Variants in LSM14A observed in about 807,000 individuals in gnomAD.
LSM14A encodes LSM14A mRNA processing body assembly factor, also known as protein LSM14 homolog A.
Under a neutral mutation model 52.4 loss-of-function variants are expected in LSM14A, and 14 were observed. The ratio of observed to expected loss-of-function variants is 0.27; its 90% CI spans 0.18 to 0.42. The LOEUF is 0.42. LSM14A is among the 10% of genes least tolerant of loss of function. LSM14A has a pLI of 1.00. For synonymous variants in LSM14A, 185 were observed against 200.3 expected, an observed-to-expected ratio of 0.92 and a Z score of 0.64; for missense variants, 417 against 581.8, an observed-to-expected ratio of 0.72 and a Z score of 2.91.
At chr19:34,190,680 T>C (rs1178952360) in intron 1 of LSM14A, among the ~76,000 whole-genome samples, 4 of 152,182 alleles carry the variant, frequency 2.6e-5, no homozygotes, top group Non-Finnish European at 5.9e-5. Context: ...TGTTGTGATA[T>C]ACTGTTCTTA....
At chr19:34,226,375 C>CTTTTTTTTT (rs528137318) in intron 9 of LSM14A, 352 of 1,195,882 alleles carry the variant, frequency 2.9e-4, no homozygotes, top group South Asian at 1.2e-3. Flanking sequence ...ATCTCTTTCT[C>CTTTTTTTTT]TTTTTTTTTT....
At chr19:34,223,936 G>C (rs2073200015) in intron 9 of LSM14A, among the ~76,000 whole-genome samples, 1 of 152,180 alleles carries the variant, frequency 6.6e-6, no homozygotes, top group Non-Finnish European at 1.5e-5. Flanking sequence ...TGAGAGGTCT[G>C]ACCTGGTTAA....
intron 6 of LSM14A, among the ~76,000 whole-genome samples, chr19:34,217,778 A>G (rs962916236): frequency 3.4e-5 from 5 of 148,968 alleles, no homozygotes; most frequent in Admixed American, 1.4e-4. Flanking sequence ...TACATATGCC[A>G]TGGAATACAG....
intron 5 of LSM14A, 59 bp downstream of exon 5, chr19:34,215,359 T>G: frequency 7.0e-7 from 1 of 1,433,430 alleles, no homozygotes; most frequent in Non-Finnish European, 9.4e-7. Context: ...CCACTCACTT[T>G]ATTTTCATTA....
At chr19:34,223,092 G>A (rs978487541) in intron 9 of LSM14A, among the ~76,000 whole-genome samples, 6 of 151,242 alleles carry the variant, frequency 4.0e-5, no homozygotes, top group African/African-American at 1.5e-4. Context: ...TTTTTGGGGG[G>A]TGGAGGGTGT....
At chr19:34,189,031 G>C (rs1384679857) in intron 1 of LSM14A, among the ~76,000 whole-genome samples, 1 of 152,118 alleles carries the variant, frequency 6.6e-6, no homozygotes, top group Non-Finnish European at 1.5e-5. Context: ...TTTATTTCCA[G>C]TGTAGTGCTT....
intron 1 of LSM14A, among the ~76,000 whole-genome samples, chr19:34,183,824 T>A (rs1389679152): frequency 6.6e-6 from 1 of 152,172 alleles, no homozygotes; most frequent in Admixed American, 6.5e-5. Flanking sequence ...TTTTGGGTTA[T>A]AAGTTTAACT....
chr19:34,187,248 C>CAA (rs753895752), intron 1 of LSM14A, among the ~76,000 whole-genome samples: 9 of 119,094 alleles, frequency 7.6e-5, no homozygotes, highest in African/African-American at 9.3e-5. Context: ...GACTCGGTCT[C>CAA]AAAAAAAAAA....
At chr19:34,226,634 A>G (rs1048338631) in intron 9 of LSM14A, among the ~76,000 whole-genome samples, 1 of 152,202 alleles carries the variant, frequency 6.6e-6, no homozygotes. Flanking sequence ...AGTCTCACCT[A>G]GGAAATGTCT....
At chr19:34,207,549 T>TTTTTA in intron 3 of LSM14A, among the ~76,000 whole-genome samples, 1 of 150,798 alleles carries the variant, frequency 6.6e-6, no homozygotes, top group African/African-American at 2.4e-5. Flanking sequence ...TTTTTTTTTT[T>TTTTTA]GAGACAGAGT....
intron 1 of LSM14A, among the ~76,000 whole-genome samples, chr19:34,175,763 T>C (rs564311043): frequency 1.1e-4 from 17 of 152,354 alleles, no homozygotes; most frequent in South Asian, 8.3e-4. Context: ...AGTAATTCGA[T>C]ATCAGAAAAT....
chr19:34,196,435 G>T, intron 2 of LSM14A, among the ~76,000 whole-genome samples, 199 bp from the exon 3 acceptor site: 1 of 152,144 alleles, frequency 6.6e-6, no homozygotes, highest in East Asian at 1.9e-4. Context: ...GTCACATTGA[G>T]TATAATTGGC....
intron 3 of LSM14A, among the ~76,000 whole-genome samples, chr19:34,203,392 A>G (rs149572857): frequency 1.3e-5 from 2 of 152,300 alleles, no homozygotes; most frequent in African/African-American, 4.8e-5. Flanking sequence ...AGTGTTTTGT[A>G]GAGACTAATT....
chr19:34,194,316 A>G (rs1352881882), intron 1 of LSM14A, among the ~76,000 whole-genome samples, 162 bp from the exon 2 acceptor site: 2 of 152,156 alleles, frequency 1.3e-5, no homozygotes, highest in African/African-American at 2.4e-5. Context: ...AAGCCACTCT[A>G]TTTTCCTCTT....
chr19:34,192,332 T>G lies in LSM14A; in HGVS notation c.122-2146T>G, dbSNP rs866966500. Among the ~76,000 whole-genome samples the G allele has an allele frequency of 8.4e-5, 11 of 131,454 alleles. 1 individual carries two copies. The South Asian group carries it at 9.7e-4, about 12-fold the overall frequency. The allele number at this position is 131,454 out of a possible 152,430, so 86.2% of individuals were successfully genotyped here. On this transcript the variant is annotated intron_variant, in intron 1 of 9. Coordinates refer to ENST00000544216, the MANE Select transcript of LSM14A (RefSeq NM_015578.4). The stretch of plus-strand genomic sequence containing the variant: ...ATTCTTTTTGTTGTTTTTTTTTTTT[T>G]TTTTTTTTTTGGAGTCAGATTGTCA...
chr19:34,195,198 C>CTT (rs34828620), intron 2 of LSM14A: 2 of 137,964 alleles, frequency 1.4e-5, no homozygotes, highest in South Asian at 2.2e-4. Context: ...TTTTCTTTTT[C>CTT]TTTTTTTTTT....
In LSM14A at chr19:34,217,624, T is replaced by TG. The variant is rs1319407991; in HGVS notation, c.782-1767_782-1766insG. ...TTTATATCCCCCCCCCCCGTGTTTT[T>TG]TTTTTTTTTTTTTTTTTTTTTGAGA... On this transcript the variant is annotated intron_variant, in intron 6 of 9. Coordinates refer to ENST00000544216, the MANE Select transcript of LSM14A (RefSeq NM_015578.4). Among the ~76,000 whole-genome samples the TG allele has an allele frequency of 8.2e-5, 9 of 109,500 alleles. No individual in the cohort carries two copies. The East Asian group carries it at 3.1e-3, about 38-fold the overall frequency. 71.8% of individuals were successfully genotyped at this position (109,500 alleles called of 152,430 possible). A position where few individuals can be genotyped will look rare whatever the true frequency, so the allele number is the denominator to read the frequency against.
At chr19:34,182,964 A>G (rs1599662760) in intron 1 of LSM14A, among the ~76,000 whole-genome samples, 4 of 151,054 alleles carry the variant, frequency 2.6e-5, no homozygotes, top group Middle Eastern at 6.8e-3. Flanking sequence ...GATAATTTCT[A>G]TCTTGCCTCC....
chr19:34,189,819 A>G (rs2070215651), intron 1 of LSM14A, among the ~76,000 whole-genome samples: 1 of 152,186 alleles, frequency 6.6e-6, no homozygotes, highest in African/African-American at 2.4e-5. Context: ...AAAAGATAGT[A>G]GTGTGCTTAA....
Sources: gnomAD v4.1 joint callset for allele counts (sites outside exome capture counted in the v4.1 genomes callset) on GRCh38, gnomAD v4.1.1 for gene constraint, MANE v1.5 for transcripts, NCBI Gene and HGNC (gene_info 2026-07-23, HGNC 2026-07-21) for gene names.